SYN3: variants seen among roughly 807,000 people sequenced by gnomAD.
SYN3 encodes synapsin III.
A neutral mutation model predicts 65.8 loss-of-function variants in SYN3; 35 were observed. That is an observed-to-expected ratio of 0.53 (90% CI 0.41 to 0.70). SYN3 has a LOEUF of 0.70. Ranked by LOEUF, SYN3 falls within the 30% of genes least tolerant of loss-of-function variation. The pLI is 0.00. For missense variants in SYN3, 680 were observed against 749.0 expected, an observed-to-expected ratio of 0.91 and a Z score of 1.08; for synonymous variants, 270 against 292.9, an observed-to-expected ratio of 0.92 and a Z score of 0.80.
chr22:32,839,922 T>A (rs1366083355), intron 6 of SYN3, among the ~76,000 whole-genome samples: 3 of 151,916 alleles, frequency 2.0e-5, no homozygotes, highest in African/African-American at 7.3e-5. Flanking sequence ...CCTGAGTTTT[T>A]CCCAGACCGC....
At chr22:32,832,618 T>A (rs2047608946) in intron 6 of SYN3, among the ~76,000 whole-genome samples, 1 of 152,016 alleles carries the variant, frequency 6.6e-6, no homozygotes, top group Admixed American at 6.5e-5. Flanking sequence ...TACGTAGAGT[T>A]ATTCACTAAA....
In SYN3 at chr22:32,556,148, G is replaced by A. The variant is rs115687780; in HGVS notation, c.775-14435C>T. The stretch of plus-strand genomic sequence containing the variant: ...CCAAAGAAGTACTAAGCAGATTCAC[G>A]TATTAAGTAGTTAGAGCGAAATAGC... On this transcript the variant is annotated intron_variant, in intron 7 of 13. Transcript: ENST00000358763. Among the ~76,000 whole-genome samples the A allele has an allele frequency of 8.0e-3, 1,221 of 152,224 alleles. 16 individuals carry two copies. The highest frequency in any genetic ancestry group is 0.028 in the African/African-American group (1,162 of 41,530).
chr22:32,658,591 A>T (rs2060174655), intron 6 of SYN3, among the ~76,000 whole-genome samples: 1 of 152,218 alleles, frequency 6.6e-6, no homozygotes, highest in Non-Finnish European at 1.5e-5. Flanking sequence ...CGCCCATCCC[A>T]TCCATAAGGC....
At chr22:32,979,715 G>C (rs1003245841) in intron 3 of SYN3, among the ~76,000 whole-genome samples, 6 of 152,154 alleles carry the variant, frequency 3.9e-5, no homozygotes, top group African/African-American at 1.4e-4. Flanking sequence ...GCCAGGTACT[G>C]TTCAAGCACT....
intron 1 of SYN3, among the ~76,000 whole-genome samples, chr22:33,013,255 T>C (rs1248700758): frequency 6.6e-6 from 1 of 152,176 alleles, no homozygotes; most frequent in South Asian, 2.1e-4. Flanking sequence ...CAGGCCCCAG[T>C]GGAACTTACA....
At chr22:32,930,913 A>C (rs2050610356) in intron 4 of SYN3, 1 of 154,104 alleles carries the variant, frequency 6.5e-6, no homozygotes. Context: ...GTTTTGGTCT[A>C]CTTGGAGAAG....
At chr22:33,001,254 G>A (rs2053051511) in intron 2 of SYN3, among the ~76,000 whole-genome samples, 1 of 152,168 alleles carries the variant, frequency 6.6e-6, no homozygotes, top group African/African-American at 2.4e-5. Context: ...AAACTCCTCT[G>A]GCCAAAGCTG....
chr22:32,857,995 G>A, intron 6 of SYN3: 1 of 1,614,106 alleles, frequency 6.2e-7, no homozygotes, highest in Non-Finnish European at 8.5e-7. Flanking sequence ...ACCTCTCCTT[G>A]TTTTCTTCTT....
rs534860789 is a variant in SYN3, at chr22:32,718,229, C to T, written c.712-121493G>A. On this transcript the variant is annotated intron_variant, in intron 6 of 13. Coordinates refer to ENST00000358763, the MANE Select transcript of SYN3 (RefSeq NM_003490.4). ...CTTACGGCCTTGCTTCCCATATTCT[C>T]CCACATCCCCTTCTAGGGCCCTCCC... is the stretch of plus-strand genomic sequence containing the variant. Among the ~76,000 whole-genome samples, 11 of 152,216 alleles carry T rather than the reference C, an allele frequency of 7.2e-5. No individual in the cohort carries two copies. In the South Asian group the frequency reaches 2.1e-3, roughly 29 times the overall value.
chr22:32,908,112 G>A (rs1317494447), intron 4 of SYN3, among the ~76,000 whole-genome samples: 1 of 151,166 alleles, frequency 6.6e-6, no homozygotes. Flanking sequence ...TTGAGACAGA[G>A]TCGCACTCTG....
intron 2 of SYN3, among the ~76,000 whole-genome samples, chr22:32,986,363 CT>C (rs994369635): frequency 6.6e-5 from 10 of 152,186 alleles, no homozygotes; most frequent in African/African-American, 2.4e-4. Context: ...ACCCAAGCAG[CT>C]GTGGTCTTGA....
intron 6 of SYN3, among the ~76,000 whole-genome samples, chr22:32,817,216 TC>T (rs1210031915): frequency 1.4e-5 from 2 of 140,618 alleles, no homozygotes; most frequent in African/African-American, 5.0e-5. Context: ...AGACTCTATC[TC>T]AAAAAAAAAA....
At chr22:32,667,466 C>G (rs1032631439) in intron 6 of SYN3, among the ~76,000 whole-genome samples, 1 of 152,124 alleles carries the variant, frequency 6.6e-6, no homozygotes, top group African/African-American at 2.4e-5. Context: ...GTTTATTAAA[C>G]CAGTCCCTGC....
At chr22:33,031,679 A>G (rs2053757810) in intron 1 of SYN3, among the ~76,000 whole-genome samples, 1 of 151,884 alleles carries the variant, frequency 6.6e-6, no homozygotes, top group Non-Finnish European at 1.5e-5. Context: ...CTCTTCTCAA[A>G]TAAGCCAACC....
chr22:33,002,270 A>G (rs1042024152), intron 2 of SYN3, among the ~76,000 whole-genome samples: 4 of 152,234 alleles, frequency 2.6e-5, no homozygotes, highest in African/African-American at 9.6e-5. Context: ...ATTTCTGAGC[A>G]GGAAGCAGTA....
intron 6 of SYN3, among the ~76,000 whole-genome samples, chr22:32,791,853 T>C (rs934696389): frequency 6.6e-6 from 1 of 152,092 alleles, no homozygotes; most frequent in African/African-American, 2.4e-5. Flanking sequence ...AGGCACTCTA[T>C]AGGAATTAGT....
chr22:33,002,650 AC>A (rs2053092545), intron 2 of SYN3, among the ~76,000 whole-genome samples: 1 of 151,634 alleles, frequency 6.6e-6, no homozygotes. Context: ...TCTCAAAAAA[AC>A]AAAACAAAAC....
At chr22:32,588,450 C>A (rs1601704783) in intron 7 of SYN3, among the ~76,000 whole-genome samples, 5 of 152,292 alleles carry the variant, frequency 3.3e-5, no homozygotes, top group African/African-American at 2.4e-5. Flanking sequence ...AATTCCTCTC[C>A]CCTTTTTGTC....
At chr22:33,005,069 C>T (rs573147024) in intron 2 of SYN3, among the ~76,000 whole-genome samples, 1 of 152,312 alleles carries the variant, frequency 6.6e-6, no homozygotes, top group African/African-American at 2.4e-5. Context: ...TCTCCTGCCA[C>T]CCTATGAAGA....
Sources: gnomAD v4.1 joint callset for allele counts (sites outside exome capture counted in the v4.1 genomes callset) on GRCh38, gnomAD v4.1.1 for gene constraint, MANE v1.5 for transcripts, NCBI Gene and HGNC (gene_info 2026-07-23, HGNC 2026-07-21) for gene names.